XKR6: variants seen among roughly 807,000 people sequenced by gnomAD.
The protein encoded by XKR6 is XK related 6.
A neutral mutation model predicts 56.7 loss-of-function variants in XKR6; 22 were observed. The observed-to-expected ratio is 0.39, with a 90% confidence interval of 0.28 to 0.55. The LOEUF is 0.55. Ranked by LOEUF, XKR6 falls within the 20% of genes least tolerant of loss-of-function variation. XKR6 has a pLI of 0.66. For missense variants in XKR6, 852 were observed against 889.0 expected (o/e 0.96, Z 0.53); for synonymous variants, 524 against 387.8 (o/e 1.35, Z -4.13).
intron 1 of XKR6, chr8:11,124,040 C>T (rs1274101085): frequency 4.4e-6 from 2 of 455,966 alleles, no homozygotes; most frequent in Non-Finnish European, 8.8e-6. Flanking sequence ...AATCTCTAGG[C>T]CCCTCCTGTC....
At chr8:11,007,428 C>T (rs574684976) in intron 1 of XKR6, among the ~76,000 whole-genome samples, 1 of 152,332 alleles carries the variant, frequency 6.6e-6, no homozygotes, top group South Asian at 2.1e-4. Context: ...TCTCAAGGAT[C>T]ATCTGATGCC....
intron 1 of XKR6, among the ~76,000 whole-genome samples, chr8:11,158,364 A>C (rs1214921656): frequency 6.6e-6 from 1 of 152,220 alleles, no homozygotes; most frequent in African/African-American, 2.4e-5. Context: ...GAAAGAAAAC[A>C]GCATCCACAA....
At chr8:11,106,910 A>ATT (rs1798700189) in intron 1 of XKR6, among the ~76,000 whole-genome samples, 1 of 151,530 alleles carries the variant, frequency 6.6e-6, no homozygotes, top group Non-Finnish European at 1.5e-5. Flanking sequence ...CAAACCTTAG[A>ATT]CAACCCAGAT....
intron 1 of XKR6, among the ~76,000 whole-genome samples, chr8:10,997,598 G>C (rs1798143159): frequency 6.6e-6 from 1 of 152,230 alleles, no homozygotes; most frequent in Non-Finnish European, 1.5e-5. Context: ...TTCCAGGGGA[G>C]AGAATGTGCC....
At chr8:10,936,267 AT>A (rs1417366832) in intron 1 of XKR6, among the ~76,000 whole-genome samples, 1 of 150,056 alleles carries the variant, frequency 6.7e-6, no homozygotes, top group African/African-American at 2.5e-5. Flanking sequence ...ATCTTTCTCC[AT>A]CCTTTTATTT....
At chr8:11,165,512 G>A (rs772464209) in intron 1 of XKR6, among the ~76,000 whole-genome samples, 13 of 152,066 alleles carry the variant, frequency 8.5e-5, no homozygotes, top group Non-Finnish European at 1.6e-4. Context: ...GGGCAATGAG[G>A]GATGATGAAG....
chr8:10,898,258 C>G lies in XKR6; in HGVS notation c.1620G>C (p.Gln540His), dbSNP rs878877685. ...APEIPGYRGT[Q>H]VTPTRAVTEQ... The stretch of plus-strand genomic sequence containing the variant: ...CCGTTACGGCTCTGGTGGGCGTAAC[C>G]TGGGTCCCCCGGTACCCAGGGATCT... Residue 540 changes from glutamine to histidine, a missense_variant, in exon 3 of 3, where the codon CAG (glutamine) becomes CAC (histidine). Gln to His is a conservative substitution (Grantham distance 24). Around this residue, in one of 4 missense-constraint regions of XKR6, gnomAD observed 197 missense variants for 190.9 expected, o/e 1.03. Transcript: ENST00000416569. The surrounding 1 kb of genome is among the most constrained non-coding windows in gnomAD (Gnocchi z 6.6). 6.2e-7 allele frequency: 1 copy of G among 1,614,126 alleles called. No homozygotes were observed. Among genetic ancestry groups the G allele is most frequent in the Non-Finnish European group, 8.5e-7 (1 of 1,180,008 alleles).
Position 11,173,200 on chromosome 8 carries a change from C to T in XKR6, c.764+27376G>A, listed in dbSNP as rs1263555173. ...AAATACAAAAAAAAAAAAAATTAGC[C>T]GGGCGTGGTGGCGGGCGCCTGTATT... On this transcript the variant is annotated intron_variant, in intron 1 of 2. Coordinates refer to ENST00000416569, the MANE Select transcript of XKR6 (RefSeq NM_173683.4). Among the ~76,000 whole-genome samples, 19 of 151,292 alleles carry T rather than the reference C, an allele frequency of 1.3e-4. 1 individual carries two copies. Among genetic ancestry groups the T allele is most frequent in the African/African-American group, 3.9e-4 (16 of 41,276 alleles).
At chr8:11,122,085 T>C (rs1005399160) in intron 1 of XKR6, among the ~76,000 whole-genome samples, 1 of 152,198 alleles carries the variant, frequency 6.6e-6, no homozygotes, top group African/African-American at 2.4e-5. Context: ...ATCAATTGTT[T>C]TTCATCTCTT....
At chr8:11,031,947 G>A (rs1799003017) in intron 1 of XKR6, among the ~76,000 whole-genome samples, 1 of 152,206 alleles carries the variant, frequency 6.6e-6, no homozygotes, top group African/African-American at 2.4e-5. Context: ...AGTGCACAGG[G>A]AGATCCCCCC....
At chr8:10,915,682 T>C (rs1800543534) in intron 2 of XKR6, among the ~76,000 whole-genome samples, 1 of 152,198 alleles carries the variant, frequency 6.6e-6, no homozygotes, top group Non-Finnish European at 1.5e-5. Context: ...GTTTAATGTA[T>C]TGCTTAACAA....
At chr8:11,198,562 G>C (rs1158216088) in intron 1 of XKR6, among the ~76,000 whole-genome samples, 2 of 151,398 alleles carry the variant, frequency 1.3e-5, no homozygotes, top group Non-Finnish European at 1.5e-5. Context: ...AAGCTAAATT[G>C]ACATTTTAAA....
chr8:11,181,880 T>C (rs531371740), intron 1 of XKR6, among the ~76,000 whole-genome samples: 22 of 152,134 alleles, frequency 1.4e-4, no homozygotes, highest in Non-Finnish European at 1.8e-4. Context: ...GGAGACAGGG[T>C]CTGGCTCTGT....
At chr8:11,036,058 C>T (rs989421947) in intron 1 of XKR6, among the ~76,000 whole-genome samples, 49 of 151,484 alleles carry the variant, frequency 3.2e-4, no homozygotes, top group South Asian at 2.1e-4. Context: ...ATCCTCCTGC[C>T]TCAGCCTCTT....
At chr8:11,149,418 C>T (rs1289129667) in intron 1 of XKR6, among the ~76,000 whole-genome samples, 1 of 152,192 alleles carries the variant, frequency 6.6e-6, no homozygotes, top group Non-Finnish European at 1.5e-5. Flanking sequence ...TATATGTGGT[C>T]TGCTGTACAC....
At chr8:11,002,226 C>T (rs1306718845) in intron 1 of XKR6, among the ~76,000 whole-genome samples, 2 of 152,210 alleles carry the variant, frequency 1.3e-5, no homozygotes, top group African/African-American at 4.8e-5. Context: ...CACAAAGCCA[C>T]TCCCCTCTGA....
intron 1 of XKR6, chr8:11,108,072 A>G: frequency 9.0e-6 from 3 of 332,394 alleles, no homozygotes; most frequent in South Asian, 7.0e-5. Flanking sequence ...TGAACGATGT[A>G]ACAGGTGGAG....
intron 1 of XKR6, among the ~76,000 whole-genome samples, chr8:11,188,674 T>C (rs1264175643): frequency 6.6e-6 from 1 of 152,184 alleles, no homozygotes; most frequent in Non-Finnish European, 1.5e-5. Context: ...ACTCTTCTGT[T>C]GACTACTCAA....
intron 1 of XKR6, among the ~76,000 whole-genome samples, chr8:11,180,743 A>T (rs1387745902): frequency 2.6e-5 from 4 of 151,728 alleles, no homozygotes. Context: ...CAACTCCACA[A>T]AAAAAATATA....
Sources: gnomAD v4.1 joint callset for allele counts (sites outside exome capture counted in the v4.1 genomes callset) on GRCh38, gnomAD v4.1.1 for gene constraint, gnomAD v4.1.1 regional missense constraint, Gnocchi (gnomAD v3.1) non-coding constraint, MANE v1.5 for transcripts, NCBI Gene and HGNC (gene_info 2026-07-23, HGNC 2026-07-21) for gene names.